Variants in DSCAM observed in about 807,000 individuals in gnomAD.
The protein encoded by DSCAM is DS cell adhesion molecule, also known as cell adhesion molecule DSCAM.
Under a neutral mutation model 217.7 loss-of-function variants are expected in DSCAM, and 47 were observed. The observed-to-expected ratio is 0.22, with a 90% CI of 0.17 to 0.28. The LOEUF is 0.28. DSCAM is among the 10% of genes least tolerant of loss of function. The pLI is 1.00. For missense variants in DSCAM, 2,080 were observed against 2,618.3 expected (o/e 0.79, Z 4.49); for synonymous variants, 1,056 against 1,015.3 (o/e 1.04, Z -0.76).
chr21:40,466,097 A>G (rs1416328342), intron 3 of DSCAM, among the ~76,000 whole-genome samples: 2 of 152,194 alleles, frequency 1.3e-5, no homozygotes. Context: ...TCCCACAGAC[A>G]TATGTGTGGT....
intron 3 of DSCAM, among the ~76,000 whole-genome samples, chr21:40,691,540 TGAA>T (rs1355933743): frequency 6.6e-6 from 1 of 152,212 alleles, no homozygotes; most frequent in African/African-American, 2.4e-5. Flanking sequence ...GGAGAGAAGA[TGAA>T]GATGTTTCAA....
chr21:40,587,671 C>A (rs541370940), intron 3 of DSCAM, among the ~76,000 whole-genome samples: 1 of 152,086 alleles, frequency 6.6e-6, no homozygotes, highest in East Asian at 1.9e-4. Context: ...TGCTGCAGCA[C>A]AAGTTTTAGC....
chr21:40,017,173 T>A (rs902250029), intron 32 of DSCAM, among the ~76,000 whole-genome samples: 6 of 152,046 alleles, frequency 3.9e-5, no homozygotes, highest in African/African-American at 1.4e-4. Flanking sequence ...AAAATGCATT[T>A]TATACAATTT....
chr21:40,749,080 A>G (rs1487800161), intron 1 of DSCAM, among the ~76,000 whole-genome samples: 1 of 152,154 alleles, frequency 6.6e-6, no homozygotes, highest in Non-Finnish European at 1.5e-5. Context: ...ATCAACTCAA[A>G]TAAGATCAGA....
At chr21:40,115,544 C>A (rs1275257793) in intron 20 of DSCAM, among the ~76,000 whole-genome samples, 5 of 151,932 alleles carry the variant, frequency 3.3e-5, no homozygotes, top group Admixed American at 1.3e-4. Context: ...TGCACATGTA[C>A]CCTAAAACTT....
chr21:40,684,493 C>G (rs1363925425), intron 3 of DSCAM, among the ~76,000 whole-genome samples: 5 of 135,358 alleles, frequency 3.7e-5, no homozygotes, highest in Non-Finnish European at 8.3e-5. Flanking sequence ...GCCAAGCAAC[C>G]CATCTGCTTA....
chr21:40,661,755 C>T (rs919522162), intron 3 of DSCAM, among the ~76,000 whole-genome samples: 2 of 152,088 alleles, frequency 1.3e-5, no homozygotes, highest in African/African-American at 4.8e-5. Context: ...CCATTAAGCT[C>T]TCTTTTGTAA....
intron 32 of DSCAM, among the ~76,000 whole-genome samples, chr21:40,013,829 C>T (rs1030653846): frequency 6.6e-6 from 1 of 152,198 alleles, no homozygotes; most frequent in African/African-American, 2.4e-5. Flanking sequence ...AGCTGGCTCT[C>T]GTCCTGGCAA....
intron 3 of DSCAM, among the ~76,000 whole-genome samples, chr21:40,495,741 G>T (rs890199361): frequency 1.3e-5 from 2 of 152,020 alleles, no homozygotes; most frequent in South Asian, 2.1e-4. Context: ...AAGTTAAATT[G>T]TCACTGTTTG....
intron 3 of DSCAM, among the ~76,000 whole-genome samples, chr21:40,401,954 A>G: frequency 6.6e-6 from 1 of 151,840 alleles, no homozygotes; most frequent in South Asian, 2.1e-4. Context: ...GACAATAATC[A>G]AATGTTTCCC....
chr21:40,243,384 ATTTCTT>A (rs1289186658), intron 11 of DSCAM, among the ~76,000 whole-genome samples: 6 of 152,208 alleles, frequency 3.9e-5, no homozygotes, highest in East Asian at 1.9e-4. Flanking sequence ...TCTTAAATGC[ATTTCTT>A]TTTCTTTTTC....
intron 3 of DSCAM, among the ~76,000 whole-genome samples, chr21:40,508,779 ATATAT>A (rs2076234606): frequency 2.1e-4 from 1 of 4,866 alleles, no homozygotes; most frequent in Admixed American, 3.4e-3. Flanking sequence ...ATATATATAT[ATATAT>A]TTTTTTTTTT....
chr21:40,481,931 T>G (rs2075986707), intron 3 of DSCAM, among the ~76,000 whole-genome samples: 1 of 152,192 alleles, frequency 6.6e-6, no homozygotes, highest in East Asian at 1.9e-4. Flanking sequence ...ACACGTGCAC[T>G]GCTTATTGAT....
At chr21:40,398,998 C>T (rs944172933) in intron 3 of DSCAM, among the ~76,000 whole-genome samples, 1 of 152,176 alleles carries the variant, frequency 6.6e-6, no homozygotes, top group Admixed American at 6.5e-5. Context: ...AGACCAGGTG[C>T]AGTCACTTAC....
intron 1 of DSCAM, among the ~76,000 whole-genome samples, chr21:40,741,894 T>G (rs940204043): frequency 1.3e-5 from 2 of 152,328 alleles, no homozygotes; most frequent in Admixed American, 6.5e-5. Context: ...TTCCTTCATT[T>G]CCTTAAATGA....
chr21:40,491,706 G>T (rs1238985339), intron 3 of DSCAM, among the ~76,000 whole-genome samples: 1 of 152,040 alleles, frequency 6.6e-6, no homozygotes, highest in African/African-American at 2.4e-5. Context: ...CAACATGCTA[G>T]TCACACTCCT....
chr21:40,574,999 C>A (rs2076837480), intron 3 of DSCAM, among the ~76,000 whole-genome samples: 1 of 148,292 alleles, frequency 6.7e-6, no homozygotes, highest in Admixed American at 6.8e-5. Flanking sequence ...GCCATCGCAT[C>A]CCCTGTGACC....
At chr21:40,046,041 C>T (rs1001169313) in intron 30 of DSCAM, among the ~76,000 whole-genome samples, 1 of 152,160 alleles carries the variant, frequency 6.6e-6, no homozygotes, top group African/African-American at 2.4e-5. Flanking sequence ...AAACCTTCTG[C>T]CTTTTCAGTT....
chr21:40,537,850 C>T (rs1436321473), intron 3 of DSCAM, among the ~76,000 whole-genome samples: 1 of 152,200 alleles, frequency 6.6e-6, no homozygotes, highest in Non-Finnish European at 1.5e-5. Context: ...ATTTCTGTCA[C>T]TGGCTGTACT....
Sources: gnomAD v4.1 joint callset for allele counts (sites outside exome capture counted in the v4.1 genomes callset) on GRCh38, gnomAD v4.1.1 for gene constraint, MANE v1.5 for transcripts, NCBI Gene and HGNC (gene_info 2026-07-23, HGNC 2026-07-21) for gene names.